The following PKD1L3 variants were observed in gnomAD, a reference collection of about 807,000 sequenced individuals.
PKD1L3 encodes polycystin 1 like 3, transient receptor potential channel interacting.
PKD1L3 carries 239 observed loss-of-function variants against 184.1 expected under a neutral mutation model. The ratio of observed to expected loss-of-function variants is 1.30; its 90% CI spans 1.17 to 1.45. The LOEUF is 1.45. PKD1L3 is among the 40% of genes most tolerant of loss of function. The pLI is 0.00. For missense variants in PKD1L3, 2,660 were observed against 2,067.2 expected (o/e 1.29, Z -5.56); for synonymous variants, 996 against 778.8 (o/e 1.28, Z -4.64).
At chr16:71,980,783 C>A in intron 7 of PKD1L3, among the ~76,000 whole-genome samples, 1 of 152,022 alleles carries the variant, frequency 6.6e-6, no homozygotes, top group South Asian at 2.1e-4. Flanking sequence ...TGCAGAGCAC[C>A]CAGATCACAC....
intron 11 of PKD1L3, among the ~76,000 whole-genome samples, 153 bp downstream of exon 11, chr16:71,977,083 C>A (rs544725969): frequency 6.6e-6 from 1 of 152,158 alleles, no homozygotes; most frequent in African/African-American, 2.4e-5. Context: ...TGTGGTGGTG[C>A]GCACTTGTAG....
Position 71,929,678 on chromosome 16 carries a change from T to C in PKD1L3, c.5059A>G (p.Lys1687Glu), listed in dbSNP as rs758696357. The C allele has an allele frequency of 1.1e-5, 17 of 1,542,004 alleles. No individual in the cohort carries two copies. In the African/African-American group the frequency reaches 2.3e-4, roughly 21 times the overall value. Residue 1687 changes from lysine to glutamate, a missense_variant and splice_region_variant, in exon 30 of 30, where the codon AAA (lysine) becomes GAA (glutamate). Transcript: ENST00000620267. ...AFGKERKSLK[K>E]EAALIDTLLQ... ...AGTGTATCTATTAGTGCAGCTTCTTTCTGAGTATTGAAGACAAAAAGAGAA... is the reference window on the plus strand; with the variant it reads ...AGTGTATCTATTAGTGCAGCTTCTTCCTGAGTATTGAAGACAAAAAGAGAA...
chr16:71,943,687 G>C (rs1228217128), intron 23 of PKD1L3, among the ~76,000 whole-genome samples: 1 of 152,146 alleles, frequency 6.6e-6, no homozygotes, highest in African/African-American at 2.4e-5. Context: ...TTGGACTAGG[G>C]AATCCAATAA....
intron 24 of PKD1L3, among the ~76,000 whole-genome samples, chr16:71,938,212 G>A (rs1184193935): frequency 6.6e-6 from 1 of 152,244 alleles, no homozygotes; most frequent in Non-Finnish European, 1.5e-5. Context: ...CCCAGCACCT[G>A]CTCTGATTTT....
At chr16:71,963,720 C>A (rs1308248705) in intron 15 of PKD1L3, among the ~76,000 whole-genome samples, 1 of 152,092 alleles carries the variant, frequency 6.6e-6, no homozygotes, top group Non-Finnish European at 1.5e-5. Flanking sequence ...GAGGTCAAGG[C>A]TGCAGTGAGT....
intron 11 of PKD1L3, among the ~76,000 whole-genome samples, chr16:71,974,667 C>G (rs1045241568): frequency 8.5e-5 from 13 of 152,102 alleles, no homozygotes; most frequent in Non-Finnish European, 1.6e-4. Flanking sequence ...CTGGGCGACA[C>G]AGTGAGCCTG....
chr16:71,961,036 T>G (rs2039257823), intron 16 of PKD1L3, among the ~76,000 whole-genome samples: 1 of 152,032 alleles, frequency 6.6e-6, no homozygotes. Context: ...AAAACATATA[T>G]TTTTGGTTTG....
At position 71,953,058 on chromosome 16, in the gene PKD1L3, C is replaced by T. The variant is rs988148450; in HGVS notation, c.2845G>A (p.Val949Ile). ...AGGATGACAGCAGTATGGATGCTGA[C>T]CAGCAGTTCAGACCAGGCCACAGCA... ...PFAVAWSELLVSIHTAVILFP... is the reference protein window; with the variant it reads ...PFAVAWSELLISIHTAVILFP... The change falls in exon 18 of 30, where the codon GTC (valine) becomes ATC (isoleucine). Residue 949 changes from valine to isoleucine, a missense_variant. Transcript: ENST00000620267. The T allele has an allele frequency of 2.6e-6, 4 of 1,533,028 alleles. No individual in the cohort carries two copies. The highest frequency in any genetic ancestry group is 2.8e-5 in the African/African-American group (2 of 71,934). The allele number at this position is 1,533,028 out of a possible 1,614,324, so 95.0% of individuals were successfully genotyped here. A position where few individuals can be genotyped will look rare whatever the true frequency, so the allele number is the denominator to read the frequency against.
chr16:71,954,333 G>A, intron 16 of PKD1L3, 32 bp from the exon 17 acceptor site: 1 of 1,457,188 alleles, frequency 6.9e-7, no homozygotes, highest in South Asian at 1.4e-5. Context: ...GGAAATACAT[G>A]AGATTTTATT....
chr16:71,945,146 C>T (rs1281284911), intron 22 of PKD1L3, among the ~76,000 whole-genome samples: 2 of 134,964 alleles, frequency 1.5e-5, no homozygotes, highest in Non-Finnish European at 3.1e-5. Context: ...GTCAGTGGAT[C>T]ACACTTTGGG....
chr16:71,981,407 G>A (rs1013129560), intron 7 of PKD1L3, among the ~76,000 whole-genome samples: 2 of 152,154 alleles, frequency 1.3e-5, no homozygotes, highest in East Asian at 1.9e-4. Context: ...CTTTTTGGGT[G>A]TGAAGTGGTA....
intron 11 of PKD1L3, among the ~76,000 whole-genome samples, chr16:71,975,110 C>T (rs1417712668): frequency 6.6e-6 from 1 of 152,058 alleles, no homozygotes; most frequent in Non-Finnish European, 1.5e-5. Flanking sequence ...GGCTGGAGTG[C>T]AGTGGTATCA....
rs891428456 is a variant in PKD1L3 at position 71,986,301 on chromosome 16, T to G, written c.754A>C (p.Thr252Pro). 6.4e-7 allele frequency: 1 copy of G among 1,552,172 alleles called. No individual in the cohort carries two copies. Among genetic ancestry groups the G allele is most frequent in the Non-Finnish European group, 8.7e-7 (1 of 1,147,098 alleles). Residue 252 changes from threonine (T) to proline (P), a missense_variant, in exon 5 of 30, where the codon ACT (threonine) becomes CCT (proline). Coordinates refer to ENST00000620267, the MANE Select transcript of PKD1L3 (RefSeq NM_181536.2). ...TGACCTTCTTCCTTTGGGCTTGAAGTTGTTTCTGCCAGAGATTGCCCAGCA... is the reference window on the plus strand; with the variant it reads ...TGACCTTCTTCCTTTGGGCTTGAAGGTGTTTCTGCCAGAGATTGCCCAGCA... Reference protein sequence around the residue: ...THAGQSLAETTSSPKEEGHPN... With the variant: ...THAGQSLAETPSSPKEEGHPN...
At chr16:71,977,500 T>C (rs1182648012) in intron 10 of PKD1L3, 33 bp from the exon 11 acceptor site, 2 of 1,459,156 alleles carry the variant, frequency 1.4e-6, no homozygotes, top group African/African-American at 1.4e-5. Context: ...ATTATAATGG[T>C]CCATCCATTG....
chr16:71,934,002 G>C lies in PKD1L3; in HGVS notation c.4737C>G (p.Val1579=). ...NLLRHSPRLR[V]ISRTLSRAWD... is the part of the protein sequence containing the mutation. ...AGGCTCGGCTCAGTGTCCTGCTGATGACCCGCAGCCTGGGGCTATGACGCA... is the reference window on the plus strand; with the variant it reads ...AGGCTCGGCTCAGTGTCCTGCTGATCACCCGCAGCCTGGGGCTATGACGCA... Residue 1579 remains valine, a synonymous_variant, in exon 27 of 30, where the codon GTC becomes GTG. Coordinates refer to ENST00000620267, the MANE Select transcript of PKD1L3 (RefSeq NM_181536.2). 2 of 1,551,690 alleles carry C rather than the reference G, an allele frequency of 1.3e-6. No individual in the cohort carries two copies. Among genetic ancestry groups the C allele is most frequent in the Non-Finnish European group, 8.7e-7 (1 of 1,147,006 alleles).
intron 6 of PKD1L3, 110 bp from the exon 7 acceptor site, chr16:71,982,345 G>T: frequency 2.1e-6 from 2 of 960,040 alleles, no homozygotes; most frequent in Non-Finnish European, 2.9e-6. Flanking sequence ...GAGTGCAATG[G>T]CGTGATATCG....
chr16:71,963,081 T>C (rs1185194794), intron 16 of PKD1L3, 124 bp downstream of exon 16: 15 of 1,076,124 alleles, frequency 1.4e-5, no homozygotes, highest in Non-Finnish European at 1.8e-5. Context: ...ACAGTAATGC[T>C]TATGTATGTT....
intron 8 of PKD1L3, 34 bp from the exon 9 acceptor site, chr16:71,979,946 T>C: frequency 6.5e-7 from 1 of 1,550,058 alleles, no homozygotes; most frequent in Non-Finnish European, 8.7e-7. Context: ...AGTCAATTTT[T>C]GTGTGTCCTC....
intron 16 of PKD1L3, among the ~76,000 whole-genome samples, chr16:71,961,333 G>A (rs2039270567): frequency 6.6e-6 from 1 of 152,096 alleles, no homozygotes; most frequent in African/African-American, 2.4e-5. Context: ...ATGTTGGCCA[G>A]GCTGGTCTCG....
Sources: allele counts gnomAD v4.1 joint callset (sites outside exome capture counted in the v4.1 genomes callset), GRCh38; gene constraint gnomAD v4.1.1; transcripts MANE v1.5; gene names NCBI Gene and HGNC (gene_info 2026-07-23, HGNC 2026-07-21).